Variants in BMPR1B observed in about 807,000 individuals in gnomAD.
BMPR1B encodes bone morphogenetic protein receptor type 1B.
A neutral mutation model predicts 59.1 loss-of-function variants in BMPR1B; 12 were observed. That is an observed-to-expected ratio of 0.20 (90% CI 0.13 to 0.33). The LOEUF (loss-of-function observed/expected upper bound fraction) is 0.33. Ranked by LOEUF, BMPR1B falls within the 10% of genes least tolerant of loss-of-function variation. BMPR1B has a pLI of 1.00. For missense variants in BMPR1B, 550 were observed against 610.9 expected (o/e 0.90, Z 1.05); for synonymous variants, 237 against 207.3 (o/e 1.14, Z -1.23).
At chr4:95,126,400 TA>T (rs1171123551) in intron 8 of BMPR1B, among the ~76,000 whole-genome samples, 1 of 152,240 alleles carries the variant, frequency 6.6e-6, no homozygotes, top group East Asian at 1.9e-4. Flanking sequence ...ATATAATGAT[TA>T]AAAGCATATA....
chr4:94,812,932 A>G (rs1399824239), intron 1 of BMPR1B, among the ~76,000 whole-genome samples: 1 of 152,190 alleles, frequency 6.6e-6, no homozygotes, highest in East Asian at 1.9e-4. Flanking sequence ...GTTAAAATGC[A>G]CACAAAATTA....
chr4:94,840,641 G>A (rs1725020419), intron 1 of BMPR1B, among the ~76,000 whole-genome samples: 2 of 145,218 alleles, frequency 1.4e-5, no homozygotes, highest in African/African-American at 2.6e-5. Context: ...TCTTTGTATT[G>A]GTTATTGTAG....
intron 2 of BMPR1B, among the ~76,000 whole-genome samples, chr4:94,939,344 A>C (rs920958743): frequency 6.6e-6 from 1 of 152,220 alleles, no homozygotes; most frequent in Non-Finnish European, 1.5e-5. Flanking sequence ...GTAAGTTAAA[A>C]TCAGGATAAT....
chr4:94,968,423 T>A (rs558819984), intron 2 of BMPR1B, among the ~76,000 whole-genome samples: 11 of 152,256 alleles, frequency 7.2e-5, no homozygotes, highest in Admixed American at 7.2e-4. Flanking sequence ...TTAAACATTT[T>A]TAAATGAAAA....
At chr4:95,099,712 G>A (rs144897336) in intron 3 of BMPR1B, among the ~76,000 whole-genome samples, 10 of 152,130 alleles carry the variant, frequency 6.6e-5, no homozygotes, top group Admixed American at 5.2e-4. Context: ...TCCTTTCCGC[G>A]TAGCAACTAC....
chr4:95,030,446 T>C (rs1403687277), intron 3 of BMPR1B, among the ~76,000 whole-genome samples: 1 of 152,170 alleles, frequency 6.6e-6, no homozygotes. Flanking sequence ...GTGTTATTTC[T>C]GAGGGCTCTG....
intron 1 of BMPR1B, among the ~76,000 whole-genome samples, chr4:94,787,210 T>TCCA (rs989008629): frequency 2.0e-5 from 3 of 152,110 alleles, no homozygotes; most frequent in Admixed American, 6.5e-5. Context: ...TGACATATAC[T>TCCA]CCACGTAGAG....
At chr4:94,918,471 G>A (rs368460689) in intron 2 of BMPR1B, among the ~76,000 whole-genome samples, 1 of 152,088 alleles carries the variant, frequency 6.6e-6, no homozygotes, top group East Asian at 1.9e-4. Flanking sequence ...GAGTCTAGGA[G>A]TTTGAGACCA....
At chr4:94,771,314 T>G (rs1252088275) in intron 1 of BMPR1B, among the ~76,000 whole-genome samples, 1 of 152,182 alleles carries the variant, frequency 6.6e-6, no homozygotes, top group Non-Finnish European at 1.5e-5. Flanking sequence ...GACCCTCAGC[T>G]TCTAAATCCA....
chr4:94,933,003 A>G (rs1729153200), intron 2 of BMPR1B, among the ~76,000 whole-genome samples: 1 of 152,098 alleles, frequency 6.6e-6, no homozygotes, highest in South Asian at 2.1e-4. Context: ...TATAGTAAGA[A>G]TCGTGTTTTG....
intron 2 of BMPR1B, among the ~76,000 whole-genome samples, chr4:94,991,257 T>C (rs1578891210): frequency 6.6e-6 from 1 of 152,232 alleles, no homozygotes; most frequent in Non-Finnish European, 1.5e-5. Flanking sequence ...TGATTTTTGT[T>C]TACTTCTCAT....
At chr4:94,832,612 G>A (rs763147906) in intron 1 of BMPR1B, among the ~76,000 whole-genome samples, 47 of 151,784 alleles carry the variant, frequency 3.1e-4, no homozygotes, top group Admixed American at 4.6e-4. Context: ...GTAAAACACC[G>A]TCTCTACTAA....
At chr4:94,971,404 G>A (rs1460278612) in intron 2 of BMPR1B, among the ~76,000 whole-genome samples, 1 of 152,042 alleles carries the variant, frequency 6.6e-6, no homozygotes, top group Admixed American at 6.6e-5. Context: ...AAATAGTTCG[G>A]TCTCATCATC....
At chr4:95,125,291 T>G (rs530846340) in intron 8 of BMPR1B, among the ~76,000 whole-genome samples, 170 bp downstream of exon 8, 1 of 152,164 alleles carries the variant, frequency 6.6e-6, no homozygotes, top group Non-Finnish European at 1.5e-5. Flanking sequence ...TTTGACATAT[T>G]GAGAGTAAGG....
intron 3 of BMPR1B, among the ~76,000 whole-genome samples, chr4:95,060,256 A>T (rs1727253179): frequency 6.6e-6 from 1 of 152,148 alleles, no homozygotes; most frequent in Non-Finnish European, 1.5e-5. Flanking sequence ...ATTCAAGATA[A>T]TAAAGTTCAG....
At chr4:94,869,120 A>G (rs1190762148) in intron 1 of BMPR1B, among the ~76,000 whole-genome samples, 1 of 151,632 alleles carries the variant, frequency 6.6e-6, no homozygotes, top group Non-Finnish European at 1.5e-5. Context: ...ACACACACAC[A>G]CACACACACA....
At chr4:94,990,814 AG>A (rs1227969302) in intron 2 of BMPR1B, among the ~76,000 whole-genome samples, 1 of 152,106 alleles carries the variant, frequency 6.6e-6, no homozygotes, top group Non-Finnish European at 1.5e-5. Flanking sequence ...ATTTAACATT[AG>A]GTATTGTTTG....
intron 3 of BMPR1B, among the ~76,000 whole-genome samples, chr4:94,997,177 T>C (rs1490824540): frequency 6.6e-6 from 1 of 152,212 alleles, no homozygotes; most frequent in Non-Finnish European, 1.5e-5. Context: ...AGCATTAGCA[T>C]GATATTTAGA....
At chr4:94,954,625 A>G (rs979589235) in intron 2 of BMPR1B, among the ~76,000 whole-genome samples, 4 of 152,202 alleles carry the variant, frequency 2.6e-5, no homozygotes, top group African/African-American at 7.2e-5. Context: ...TCCTGGTTTT[A>G]TAACTCAGTC....
Sources: gnomAD v4.1 joint callset for allele counts (sites outside exome capture counted in the v4.1 genomes callset) on GRCh38, gnomAD v4.1.1 for gene constraint, MANE v1.5 for transcripts, NCBI Gene and HGNC (gene_info 2026-07-23, HGNC 2026-07-21) for gene names.